GOLM2: variants seen among roughly 807,000 people sequenced by gnomAD.
GOLM2 encodes the protein protein GOLM2.
Under a neutral mutation model 55.9 loss-of-function variants are expected in GOLM2, and 26 were observed. The observed-to-expected ratio is 0.47, with a 90% CI of 0.34 to 0.65. The LOEUF (loss-of-function observed/expected upper bound fraction) is 0.65. GOLM2 is among the 30% of genes least tolerant of loss of function. The pLI is 0.01. For missense variants in GOLM2, 486 were observed against 531.8 expected (o/e 0.91, Z 0.85); for synonymous variants, 165 against 194.6 (o/e 0.85, Z 1.27).
chr15:44,320,008 C>G (rs1374871301), intron 1 of GOLM2, among the ~76,000 whole-genome samples: 1 of 152,186 alleles, frequency 6.6e-6, no homozygotes, highest in African/African-American at 2.4e-5. Flanking sequence ...CAACTATCAC[C>G]ATGGTCTAAT....
chr15:44,406,063 T>C (rs2079595504), intron 9 of GOLM2, among the ~76,000 whole-genome samples: 1 of 152,226 alleles, frequency 6.6e-6, no homozygotes, highest in African/African-American at 2.4e-5. Context: ...GTTCCCAGTA[T>C]GGTTTGCACT....
At chr15:44,398,558 C>T (rs2079542350) in intron 8 of GOLM2, among the ~76,000 whole-genome samples, 1 of 151,214 alleles carries the variant, frequency 6.6e-6, no homozygotes, top group African/African-American at 2.4e-5. Flanking sequence ...TTCCATTATA[C>T]TTTGTCATTG....
chr15:44,325,886 A>G (rs2078977408), intron 2 of GOLM2, among the ~76,000 whole-genome samples: 1 of 152,178 alleles, frequency 6.6e-6, no homozygotes, highest in African/African-American at 2.4e-5. Flanking sequence ...TTTTATGGCT[A>G]CCTGGCCACC....
At chr15:44,315,582 GA>G (rs1162036982) in intron 1 of GOLM2, among the ~76,000 whole-genome samples, 9 of 152,176 alleles carry the variant, frequency 5.9e-5, no homozygotes, top group Non-Finnish European at 1.3e-4. Flanking sequence ...AGTAGCTGGG[GA>G]TGAACAAGAA....
At chr15:44,413,307 A>T (rs766202109) in intron 9 of GOLM2, 29 bp from the exon 10 acceptor site, 4 of 1,522,360 alleles carry the variant, frequency 2.6e-6, no homozygotes, top group Non-Finnish European at 3.6e-6. Flanking sequence ...AAAAAATAAT[A>T]TGTTGATACA....
At chr15:44,352,252 C>G (rs908008539) in intron 6 of GOLM2, among the ~76,000 whole-genome samples, 6 of 152,086 alleles carry the variant, frequency 3.9e-5, no homozygotes, top group African/African-American at 1.4e-4. Flanking sequence ...AATAGAGAAC[C>G]TAGAAACAGT....
chr15:44,351,369 G>GAT (rs1422604404), intron 6 of GOLM2, among the ~76,000 whole-genome samples: 1 of 151,950 alleles, frequency 6.6e-6, no homozygotes, highest in Non-Finnish European at 1.5e-5. Flanking sequence ...GAGGTCAGGA[G>GAT]ATAGAGACCA....
chr15:44,362,733 A>C (rs2079250781), intron 6 of GOLM2, among the ~76,000 whole-genome samples: 1 of 152,236 alleles, frequency 6.6e-6, no homozygotes, highest in Non-Finnish European at 1.5e-5. Context: ...CCGCATCGCC[A>C]AGTCAATCCT....
chr15:44,310,498 A>ACC (rs1168735896), intron 1 of GOLM2, among the ~76,000 whole-genome samples: 4 of 133,078 alleles, frequency 3.0e-5, no homozygotes, highest in African/African-American at 1.0e-4. Context: ...ATACACACAC[A>ACC]CACCCACACA....
intron 8 of GOLM2, among the ~76,000 whole-genome samples, chr15:44,388,976 C>T (rs936159695): frequency 6.6e-5 from 10 of 151,860 alleles, no homozygotes; most frequent in East Asian, 2.0e-4. Flanking sequence ...CCACCACGCC[C>T]GGCTAATTTT....
At chr15:44,296,371 A>C (rs1363153839) in intron 1 of GOLM2, among the ~76,000 whole-genome samples, 1 of 152,166 alleles carries the variant, frequency 6.6e-6, no homozygotes, top group African/African-American at 2.4e-5. Context: ...ACACATACAC[A>C]CACATCAGTT....
intron 6 of GOLM2, among the ~76,000 whole-genome samples, chr15:44,364,705 GAA>G (rs1481695628): frequency 1.3e-5 from 2 of 151,514 alleles, no homozygotes. Context: ...AAAAAAAAAA[GAA>G]GAGAAAAGAA....
At chr15:44,343,601 G>A (rs899362040) in intron 6 of GOLM2, among the ~76,000 whole-genome samples, 1 of 151,678 alleles carries the variant, frequency 6.6e-6, no homozygotes, top group Non-Finnish European at 1.5e-5. Context: ...TGAGGCGGGC[G>A]GATCACTTGA....
At chr15:44,409,773 G>C (rs1157467994) in intron 9 of GOLM2, 1 of 150,394 alleles carries the variant, frequency 6.6e-6, no homozygotes, top group Non-Finnish European at 1.5e-5. Context: ...AAAATTATCC[G>C]GGCATGGTGG....
intron 4 of GOLM2, among the ~76,000 whole-genome samples, chr15:44,335,535 G>A (rs1046487571): frequency 3.3e-5 from 5 of 152,156 alleles, no homozygotes; most frequent in African/African-American, 4.8e-5. Context: ...AGAGTGAAGA[G>A]TACTATAGCA....
chr15:44,360,826 A>G (rs2141170892), intron 6 of GOLM2, among the ~76,000 whole-genome samples: 1 of 152,326 alleles, frequency 6.6e-6, no homozygotes, highest in Non-Finnish European at 1.5e-5. Context: ...CAGCAAATGT[A>G]AAAGAACAGA....
At chr15:44,411,561 G>A (rs910557729) in intron 9 of GOLM2, among the ~76,000 whole-genome samples, 3 of 152,188 alleles carry the variant, frequency 2.0e-5, no homozygotes, top group South Asian at 4.1e-4. Flanking sequence ...TGTACTCTAC[G>A]CCAGGCGCGG....
intron 4 of GOLM2, among the ~76,000 whole-genome samples, chr15:44,333,838 T>TC (rs1449166925): frequency 3.3e-5 from 5 of 151,892 alleles, no homozygotes; most frequent in South Asian, 2.1e-4. Context: ...GCCTCAGCCT[T>TC]CCGAGTAGCT....
At chr15:44,407,190 T>TTA (rs960171761) in intron 9 of GOLM2, among the ~76,000 whole-genome samples, 1 of 146,610 alleles carries the variant, frequency 6.8e-6, no homozygotes, top group Non-Finnish European at 1.5e-5. Context: ...CATATTTCTA[T>TTA]TATATATATT....
Sources: gnomAD v4.1 joint callset for allele counts (sites outside exome capture counted in the v4.1 genomes callset) on GRCh38, gnomAD v4.1.1 for gene constraint, MANE v1.5 for transcripts, NCBI Gene and HGNC (gene_info 2026-07-23, HGNC 2026-07-21) for gene names.